PLXNA4: variants seen among roughly 807,000 people sequenced by gnomAD.
The protein encoded by PLXNA4 is plexin A4, also known as plexin-A4.
In PLXNA4, 44 loss-of-function variants were observed where a neutral mutation model predicts 191.8. The ratio of observed to expected loss-of-function variants is 0.23; its 90% CI spans 0.18 to 0.29. The LOEUF is 0.29. Among genes scored for constraint, PLXNA4 ranks in the 10% least tolerant of loss-of-function variants. PLXNA4 has a pLI of 1.00. For missense variants in PLXNA4, 1,800 were observed against 2,488.8 expected (o/e 0.72, Z 5.89); for synonymous variants, 1,082 against 1,009.5 (o/e 1.07, Z -1.36).
chr7:132,634,970 C>T (rs1284167374), intron 2 of PLXNA4, among the ~76,000 whole-genome samples: 3 of 151,978 alleles, frequency 2.0e-5, no homozygotes, highest in African/African-American at 7.3e-5. Context: ...ATAAAGAAGG[C>T]AGAAAAACGA....
intron 3 of PLXNA4, among the ~76,000 whole-genome samples, chr7:132,442,519 T>C (rs145731290): frequency 6.6e-6 from 1 of 152,316 alleles, no homozygotes; most frequent in East Asian, 1.9e-4. Flanking sequence ...ACCACCTACG[T>C]GTTCTTTCTA....
At chr7:132,378,965 C>A (rs1036593614) in intron 3 of PLXNA4, among the ~76,000 whole-genome samples, 3 of 151,812 alleles carry the variant, frequency 2.0e-5, no homozygotes, top group African/African-American at 7.3e-5. Flanking sequence ...ATTCTCCTGC[C>A]TCAGCCTCCT....
rs573380020 is a variant in PLXNA4 at position 132,357,568 on chromosome 7, G to A, written c.1372-59346C>T. 5.3e-4 allele frequency among the ~76,000 whole-genome samples: 80 copies of A among 152,350 alleles called. 1 individual carries two copies. The highest frequency in any genetic ancestry group is 6.3e-4 in the African/African-American group (26 of 41,584). On this transcript the variant is annotated intron_variant, in intron 3 of 31. Transcript: ENST00000321063. ...GATGCCAAAATACCTGCATGGCAGC[G>A]TGTTGTCTTTCCCCTGGTTGCCATG...
At chr7:132,332,651 C>T (rs1055335656) in intron 3 of PLXNA4, among the ~76,000 whole-genome samples, 7 of 151,738 alleles carry the variant, frequency 4.6e-5, no homozygotes, top group Non-Finnish European at 8.8e-5. Flanking sequence ...CAGTTCAAGA[C>T]CAGCCTGGGC....
In PLXNA4 at chr7:132,179,775, G is replaced by A. The variant is rs1275766804; in HGVS notation, c.3786C>T (p.Arg1262=). The A allele has an allele frequency of 1.2e-6, 2 of 1,613,950 alleles. No individual in the cohort carries two copies. The highest frequency in any genetic ancestry group is 8.5e-7 in the Non-Finnish European group (1 of 1,180,040). ...FIVAVLIAYK[R]KSRESDLTLK... ...GCGTGAGGTCACTTTCGCGGGACTT[G>A]CGTTTATAGGCAATGAGCACGGCCA... The change falls in exon 20 of 32, where the codon CGC becomes CGT. Residue 1262 remains arginine, a synonymous_variant. Coordinates refer to ENST00000321063, the MANE Select transcript of PLXNA4 (RefSeq NM_020911.2).
At chr7:132,557,676 C>T (rs1382279539) in intron 1 of PLXNA4, among the ~76,000 whole-genome samples, 1 of 152,064 alleles carries the variant, frequency 6.6e-6, no homozygotes, top group Non-Finnish European at 1.5e-5. Flanking sequence ...TCTGTGCCTA[C>T]CAAGCAATAT....
intron 2 of PLXNA4, among the ~76,000 whole-genome samples, chr7:132,498,770 A>G (rs1170351996): frequency 6.6e-6 from 1 of 152,176 alleles, no homozygotes; most frequent in Non-Finnish European, 1.5e-5. Flanking sequence ...CATCTCAAAA[A>G]GGAGGAGAGC....
intron 2 of PLXNA4, among the ~76,000 whole-genome samples, chr7:132,602,735 C>T (rs76858337): frequency 0.026 from 3,922 of 152,204 alleles, 163 homozygotes; most frequent in African/African-American, 0.087. Context: ...CAAGAGGGAT[C>T]AGAGACATGA....
chr7:132,574,778 A>G (rs535205615), intron 1 of PLXNA4, among the ~76,000 whole-genome samples: 1 of 152,180 alleles, frequency 6.6e-6, no homozygotes, highest in Admixed American at 6.5e-5. Flanking sequence ...AGCTGAAAAA[A>G]GTTTGGAAAT....
At chr7:132,465,717 G>A (rs2117384555) in intron 3 of PLXNA4, among the ~76,000 whole-genome samples, 1 of 152,254 alleles carries the variant, frequency 6.6e-6, no homozygotes, top group African/African-American at 2.4e-5. Context: ...GGCCAGATGA[G>A]TTCAAGTGAG....
chr7:132,432,136 T>C (rs1266155765), intron 3 of PLXNA4, among the ~76,000 whole-genome samples: 1 of 152,070 alleles, frequency 6.6e-6, no homozygotes, highest in African/African-American at 2.4e-5. Flanking sequence ...CAGCCCACCC[T>C]CCTCACTCCA....
In PLXNA4 at chr7:132,129,384, G is replaced by C. The variant is rs914606889; in HGVS notation, c.*1095C>G. The C allele has an allele frequency of 6.6e-6, 1 of 152,296 alleles. No homozygotes were observed. Among genetic ancestry groups the C allele is most frequent in the African/African-American group, 2.4e-5 (1 of 41,470 alleles). 9.4% of individuals were successfully genotyped at this position (152,296 alleles called of 1,614,324 possible). A position where few individuals can be genotyped will look rare whatever the true frequency, so the allele number is the denominator to read the frequency against. ...GATTCTGCAGAGGGAACAGGGACTA[G>C]GCTGTTGGCCCCAGCCGTCTATGGA... On this transcript the variant is annotated 3_prime_UTR_variant, in exon 32 of 32. Coordinates refer to ENST00000321063, the MANE Select transcript of PLXNA4 (RefSeq NM_020911.2).
intron 3 of PLXNA4, among the ~76,000 whole-genome samples, chr7:132,310,596 C>A (rs1282039373): frequency 6.6e-6 from 1 of 152,216 alleles, no homozygotes; most frequent in African/African-American, 2.4e-5. Context: ...CCCGCAGCAG[C>A]CAGCCCTATA....
chr7:132,299,596 A>G (rs1801230925), intron 3 of PLXNA4, among the ~76,000 whole-genome samples: 1 of 152,154 alleles, frequency 6.6e-6, no homozygotes, highest in African/African-American at 2.4e-5. Flanking sequence ...AGGTACTGGG[A>G]GATGGTTTTG....
At chr7:132,506,299 C>T (rs1225116532) in intron 2 of PLXNA4, among the ~76,000 whole-genome samples, 1 of 152,138 alleles carries the variant, frequency 6.6e-6, no homozygotes, top group Non-Finnish European at 1.5e-5. Flanking sequence ...CATAGTTATA[C>T]TTTATGAAAG....
At chr7:132,560,971 C>G (rs1165431399) in intron 1 of PLXNA4, among the ~76,000 whole-genome samples, 1 of 152,096 alleles carries the variant, frequency 6.6e-6, no homozygotes, top group Non-Finnish European at 1.5e-5. Flanking sequence ...CTCCACGTGG[C>G]CCCCGCTGAA....
chr7:132,319,711 C>T (rs1802089944), intron 3 of PLXNA4, among the ~76,000 whole-genome samples: 1 of 152,248 alleles, frequency 6.6e-6, no homozygotes, highest in African/African-American at 2.4e-5. Context: ...GCTCCAGAAG[C>T]AGGTTTTCTC....
chr7:132,593,665 A>G (rs78719695), intron 2 of PLXNA4, among the ~76,000 whole-genome samples: 1,712 of 152,338 alleles, frequency 0.011, 35 homozygotes, highest in African/African-American at 0.04. Flanking sequence ...ACCAAGTCAC[A>G]GGCAGCAGGT....
chr7:132,470,397 C>A (rs754252080), intron 3 of PLXNA4, among the ~76,000 whole-genome samples: 4 of 152,180 alleles, frequency 2.6e-5, no homozygotes, highest in Non-Finnish European at 4.4e-5. Context: ...ATGTGGGCCT[C>A]TCAGTAGACC....
Sources: allele counts gnomAD v4.1 joint callset (sites outside exome capture counted in the v4.1 genomes callset), GRCh38; gene constraint gnomAD v4.1.1; transcripts MANE v1.5; gene names NCBI Gene and HGNC (gene_info 2026-07-23, HGNC 2026-07-21).